The following KMT5A variants were observed in gnomAD, a reference collection of about 807,000 sequenced individuals.
The protein encoded by KMT5A is N-lysine methyltransferase KMT5A.
A neutral mutation model predicts 40.6 loss-of-function variants in KMT5A; 6 were observed. The ratio of observed to expected loss-of-function variants is 0.15; its 90% CI spans 0.08 to 0.29. KMT5A has a LOEUF of 0.29. Among genes scored for constraint, KMT5A ranks in the 10% least tolerant of loss-of-function variants. The pLI, the probability that KMT5A is intolerant of heterozygous loss-of-function variation, is 1.00. For missense variants in KMT5A, 308 were observed against 459.1 expected, an observed-to-expected ratio of 0.67 and a Z score of 3.01; for synonymous variants, 153 against 178.8, an observed-to-expected ratio of 0.86 and a Z score of 1.15.
At chr12:123,405,807 TGG>T in intron 7 of KMT5A, among the ~76,000 whole-genome samples, 1 of 151,258 alleles carries the variant, frequency 6.6e-6, no homozygotes, top group African/African-American at 2.4e-5. Flanking sequence ...CCACTGCGCC[TGG>T]CCCCAGCTTC....
chr12:123,405,175 G>C, intron 7 of KMT5A, 101 bp downstream of exon 7: 1 of 1,254,638 alleles, frequency 8.0e-7, no homozygotes, highest in South Asian at 1.6e-5. Flanking sequence ...CCAGTCTTTT[G>C]GTTTTGTTGT....
rs542081553 is a variant in KMT5A at position 123,385,214 on chromosome 12, A to C, written c.10+1006A>C. The stretch of plus-strand genomic sequence containing the variant: ...GTTTTCAGGCCCTGAAGTCAGTTGC[A>C]TCATCTATTCTCCTAGCATCCCTAG... On this transcript the variant is annotated intron_variant, in intron 1 of 7. Transcript: ENST00000402868. 5.9e-5 allele frequency among the ~76,000 whole-genome samples: 9 copies of C among 152,284 alleles called. No homozygotes were observed. In the East Asian group the frequency reaches 1.4e-3, roughly 23 times the overall value.
chr12:123,404,844 T>C (rs1254906433), intron 6 of KMT5A, 40 bp from the exon 7 acceptor site: 3 of 1,582,838 alleles, frequency 1.9e-6, no homozygotes, highest in Non-Finnish European at 2.6e-6. Context: ...GTGGCATCCA[T>C]TGCTATTATG....
rs937016614 is a variant in KMT5A at position 123,407,763 on chromosome 12, C to T, written c.*60C>T. ...CCTTCTTCAAAGGACAAAGTGCCCT[C>T]AAAGGGAATTGAATTTTTTTTTTAC... On this transcript the variant is annotated 3_prime_UTR_variant, in exon 8 of 8. Coordinates refer to ENST00000402868, the MANE Select transcript of KMT5A (RefSeq NM_020382.7). The T allele has an allele frequency of 1.5e-6, 2 of 1,347,644 alleles. No individual in the cohort carries two copies. The highest frequency in any genetic ancestry group is 1.5e-5 in the African/African-American group (1 of 68,266). The allele number at this position is 1,347,644 out of a possible 1,614,324, so 83.5% of individuals were successfully genotyped here. A position where few individuals can be genotyped will look rare whatever the true frequency, so the allele number is the denominator to read the frequency against.
intron 3 of KMT5A, among the ~76,000 whole-genome samples, chr12:123,392,190 T>G (rs956362931): frequency 1.3e-5 from 2 of 152,212 alleles, no homozygotes; most frequent in Non-Finnish European, 2.9e-5. Flanking sequence ...TCCCTGGACC[T>G]GTGGCACTTA....
rs901500016 is a variant in KMT5A at position 123,384,318 on chromosome 12, G to A, written c.10+110G>A. The stretch of plus-strand genomic sequence containing the variant: ...GGAGGCGTCCTCCTCGGGTGGCTCG[G>A]GGCAAGCTTGGGGACCCGCGTGGGG... On this transcript the variant is annotated intron_variant, in intron 1 of 7. Transcript: ENST00000402868. This position sits in a 1 kb window ranked among gnomAD's most constrained non-coding sequence, Gnocchi z 5.7. 46 of 1,460,590 alleles carry A rather than the reference G, an allele frequency of 3.1e-5. No homozygotes were observed. The highest frequency in any genetic ancestry group is 1.4e-5 in the African/African-American group (1 of 71,682). The allele number at this position is 1,460,590 out of a possible 1,614,324, so 90.5% of individuals were successfully genotyped here.
chr12:123,389,373 C>A, intron 1 of KMT5A, 60 bp from the exon 2 acceptor site: 1 of 996,358 alleles, frequency 1.0e-6, no homozygotes, highest in Non-Finnish European at 1.2e-6. Context: ...CGGCCCCGCT[C>A]CCCGCCCCGC....
Position 123,407,899 on chromosome 12 carries a change from A to C in KMT5A, c.*196A>C. 1.7e-6 allele frequency: 1 copy of C among 576,992 alleles called. No individual in the cohort carries two copies. Among genetic ancestry groups the C allele is most frequent in the Non-Finnish European group, 3.1e-6 (1 of 326,802 alleles). The allele number at this position is 576,992 out of a possible 1,614,324, so 35.7% of individuals were successfully genotyped here. A position where few individuals can be genotyped will look rare whatever the true frequency, so the allele number is the denominator to read the frequency against. On this transcript the variant is annotated 3_prime_UTR_variant, in exon 8 of 8. Coordinates refer to ENST00000402868, the MANE Select transcript of KMT5A (RefSeq NM_020382.7). ...AGGTTTCCAAGGTGGACTTGAACAG[A>C]TGGCCTTATATTACCAAAACTTTTA... is the stretch of plus-strand genomic sequence containing the variant.
intron 1 of KMT5A, among the ~76,000 whole-genome samples, chr12:123,385,222 T>C (rs560704432): frequency 6.4e-4 from 98 of 152,254 alleles, no homozygotes; most frequent in African/African-American, 2.3e-3. Flanking sequence ...GCATCATCTA[T>C]TCTCCTAGCA....
chr12:123,385,172 A>C (rs996440988), intron 1 of KMT5A, among the ~76,000 whole-genome samples: 2 of 152,112 alleles, frequency 1.3e-5, no homozygotes, highest in African/African-American at 4.8e-5. Flanking sequence ...TTCAGTAAAT[A>C]TCTATTGGGT....
chr12:123,395,310 G>A (rs1877631381), intron 4 of KMT5A, 44 bp downstream of exon 4: 1 of 1,581,808 alleles, frequency 6.3e-7, no homozygotes, highest in African/African-American at 1.4e-5. Context: ...GAGCAGTTTG[G>A]TTCCTCTGAT....
chr12:123,390,649 A>C lies in KMT5A; in HGVS notation c.152A>C (p.Gln51Pro). The C allele has an allele frequency of 6.2e-7, 1 of 1,613,874 alleles. No homozygotes were observed. Among genetic ancestry groups the C allele is most frequent in the Non-Finnish European group, 8.5e-7 (1 of 1,179,826 alleles). ...RTDGENVFTG[Q>P]SKIYSYMSPN... ...TTTTAGGAGAACGTATTTACCGGGC[A>C]GTCAAAGATCTATTCCTACATGAGC... is the stretch of plus-strand genomic sequence containing the variant. Residue 51 changes from glutamine to proline, a missense_variant, in exon 3 of 8, where the codon CAG becomes CCG. Gln to Pro is a moderately conservative substitution (Grantham distance 76, BLOSUM62 -1). Transcript: ENST00000402868.
In KMT5A at chr12:123,387,622, A is replaced by T. The variant is rs191721790; in HGVS notation, c.11-1811A>T. ...CCACTGGAGTTAGTGGTTGGGCTGG[A>T]GACCCTGCCTTGAAGGATGCTAAAG... On this transcript the variant is annotated intron_variant, in intron 1 of 7. Coordinates refer to ENST00000402868, the MANE Select transcript of KMT5A (RefSeq NM_020382.7). 2.0e-3 allele frequency among the ~76,000 whole-genome samples: 304 copies of T among 152,330 alleles called. 1 individual carries two copies. Among genetic ancestry groups the T allele is most frequent in the Middle Eastern group, 3.4e-3 (1 of 294 alleles).
chr12:123,394,961 A>G (rs950979750), intron 3 of KMT5A, 86 bp from the exon 4 acceptor site: 48 of 1,275,176 alleles, frequency 3.8e-5, no homozygotes, highest in South Asian at 6.8e-5. Context: ...CTGTCTTCTC[A>G]AAGCTTGTCT....
chr12:123,407,493 C>T lies in KMT5A; in HGVS notation c.849C>T (p.Cys283=), dbSNP rs752726590. ...CTCTCTGGCCCTCCTTCCCCTCCAG[C>T]GTGGATGCAACTAGAGAGACAAATC... The part of the protein sequence containing the change: ...YYFQYLSKTY[C]VDATRETNRL... The change falls in exon 8 of 8, where the codon TGC becomes TGT. Residue 283 remains cysteine (C), a splice_region_variant and synonymous_variant. Transcript: ENST00000402868. 4.3e-6 allele frequency: 7 copies of T among 1,613,804 alleles called. No homozygotes were observed. The highest frequency in any genetic ancestry group is 2.7e-5 in the African/African-American group (2 of 74,934).
chr12:123,384,279 G>A lies in KMT5A; in HGVS notation c.10+71G>A. The A allele has an allele frequency of 1.3e-6, 2 of 1,592,802 alleles. No individual in the cohort carries two copies. The highest frequency in any genetic ancestry group is 1.9e-4 in the Middle Eastern group (1 of 5,366). On this transcript the variant is annotated intron_variant, in intron 1 of 7. Coordinates refer to ENST00000402868, the MANE Select transcript of KMT5A (RefSeq NM_020382.7). This position sits in a 1 kb window ranked among gnomAD's most constrained non-coding sequence, Gnocchi z 5.7. ...GTGCTGGAGGGGTTGCCGGGGTGGA[G>A]GCAGCGGCTGCGGGGAGGCGTCCTC... is the stretch of plus-strand genomic sequence containing the variant.
intron 3 of KMT5A, among the ~76,000 whole-genome samples, chr12:123,393,257 C>T (rs757454516): frequency 2.0e-5 from 3 of 152,082 alleles, no homozygotes; most frequent in Non-Finnish European, 2.9e-5. Flanking sequence ...GCGTATGAGT[C>T]GGTGGTTTTT....
In KMT5A at chr12:123,390,680, C is replaced by G. The variant is rs1877239856; in HGVS notation, c.183C>G (p.Asn61Lys). 6.2e-7 allele frequency: 1 copy of G among 1,613,804 alleles called. No individual in the cohort carries two copies. Among genetic ancestry groups the G allele is most frequent in the Non-Finnish European group, 8.5e-7 (1 of 1,179,832 alleles). Residue 61 changes from asparagine to lysine, a missense_variant, in exon 3 of 8, where the codon AAC becomes AAG. Around this residue, in one of 4 missense-constraint regions of KMT5A, gnomAD observed 12 missense variants for 31.1 expected, o/e 0.39. Transcript: ENST00000402868. ...AGATCTATTCCTACATGAGCCCGAA[C>G]AAATGCTCTGGAATGCGTTTCCCCC... ...QSKIYSYMSP[N>K]KCSGMRFPLQ...
intron 3 of KMT5A, among the ~76,000 whole-genome samples, chr12:123,392,773 C>T (rs1026988421): frequency 2.6e-5 from 4 of 152,284 alleles, no homozygotes; most frequent in Middle Eastern, 3.4e-3. Context: ...ATAATGTTCA[C>T]GGGCACCACA....
Sources: gnomAD v4.1 joint callset for allele counts (sites outside exome capture counted in the v4.1 genomes callset) on GRCh38, gnomAD v4.1.1 for gene constraint, gnomAD v4.1.1 regional missense constraint, Gnocchi (gnomAD v3.1) non-coding constraint, MANE v1.5 for transcripts, NCBI Gene and HGNC (gene_info 2026-07-23, HGNC 2026-07-21) for gene names.